LRP2: variants seen among roughly 807,000 people sequenced by gnomAD.
The protein encoded by LRP2 is low-density lipoprotein receptor-related protein 2.
Under a neutral mutation model 531.0 loss-of-function variants are expected in LRP2, and 172 were observed. The observed-to-expected ratio is 0.32, with a 90% CI of 0.29 to 0.37. The LOEUF is 0.37. Ranked by LOEUF, LRP2 falls within the 10% of genes least tolerant of loss-of-function variation. The pLI, the probability that LRP2 is intolerant of heterozygous loss-of-function variation, is 1.00. For synonymous variants in LRP2, 1,992 were observed against 2,027.6 expected (o/e 0.98, Z 0.47); for missense variants, 5,167 against 5,868.3 (o/e 0.88, Z 3.90).
chr2:169,338,796 C>T (rs1298588392), intron 1 of LRP2, among the ~76,000 whole-genome samples: 12 of 152,134 alleles, frequency 7.9e-5, no homozygotes, highest in East Asian at 1.9e-4. Flanking sequence ...GAAGAGCACG[C>T]GAAGACTGCT....
intron 1 of LRP2, among the ~76,000 whole-genome samples, chr2:169,349,869 C>T (rs1685798757): frequency 6.6e-6 from 1 of 152,210 alleles, no homozygotes; most frequent in South Asian, 2.1e-4. Context: ...ATACTCCAAG[C>T]TCCATCTCAG....
At chr2:169,199,507 A>C (rs1292402345) in intron 44 of LRP2, among the ~76,000 whole-genome samples, 1 of 152,232 alleles carries the variant, frequency 6.6e-6, no homozygotes, top group Non-Finnish European at 1.5e-5. Context: ...CAGAAAGGAG[A>C]GGAAGAAATG....
In LRP2 at chr2:169,281,448, C is replaced by T. The variant is rs140860409; in HGVS notation, c.1172-929G>A. On this transcript the variant is annotated intron_variant, in intron 10 of 78. Coordinates refer to ENST00000649046, the MANE Select transcript of LRP2 (RefSeq NM_004525.3). Reference sequence around the variant, plus strand: ...AAAAATAAATAAATAAGGCCGGATGCGGTGGTTCATGCCTGTAATCCCAGC... The same window carrying T: ...AAAAATAAATAAATAAGGCCGGATGTGGTGGTTCATGCCTGTAATCCCAGC... 7.2e-3 allele frequency among the ~76,000 whole-genome samples: 1,053 copies of T among 147,194 alleles called. 6 individuals are homozygous for T. The highest frequency in any genetic ancestry group is 0.037 in the Middle Eastern group (9 of 240).
In LRP2 at chr2:169,196,930, A is replaced by G; in HGVS notation, c.8679T>C (p.Ser2893=). Residue 2893 remains serine (S), a synonymous_variant, in exon 46 of 79, where the codon TCT becomes TCC. Transcript: ENST00000649046. ...CDQETDCFDA[S]DEPASCGHSE... ...TCTTACCACAAGAGGCAGGTTCATC[A>G]GAGGCATCAAAACAATCTGTTTCTT... 6.2e-7 allele frequency: 1 copy of G among 1,614,216 alleles called. No homozygotes were observed. Among genetic ancestry groups the G allele is most frequent in the Non-Finnish European group, 8.5e-7 (1 of 1,180,026 alleles).
chr2:169,227,397 A>C (rs1480430014), intron 31 of LRP2, among the ~76,000 whole-genome samples: 2 of 152,234 alleles, frequency 1.3e-5, no homozygotes, highest in Non-Finnish European at 2.9e-5. Flanking sequence ...ATCTTAAACT[A>C]TCAGTTCACT....
chr2:169,145,653 T>G, intron 70 of LRP2, 94 bp downstream of exon 70: 1 of 1,226,724 alleles, frequency 8.2e-7, no homozygotes, highest in Non-Finnish European at 1.2e-6. Flanking sequence ...ATTAGCTTGT[T>G]GTTATCTACT....
rs11463198 is a variant in LRP2 at position 169,290,264 on chromosome 2, C to CTTTT, written c.922+577_922+580dup. 8.4e-4 allele frequency among the ~76,000 whole-genome samples: 48 copies of CTTTT among 56,950 alleles called. 1 individual carries two copies. Among genetic ancestry groups the CTTTT allele is most frequent in the African/African-American group, 1.5e-3 (20 of 13,448 alleles). The allele number at this position is 56,950 out of a possible 152,430, so 37.4% of individuals were successfully genotyped here. On this transcript the variant is annotated intron_variant, in intron 8 of 78. Coordinates refer to ENST00000649046, the MANE Select transcript of LRP2 (RefSeq NM_004525.3). Reference sequence around the variant, plus strand: ...AGGTACATAACCCAGGAACCAGAAGCTTTTTTTTTTTTTTTTTTTTTTTTT... The same window carrying CTTTT: ...AGGTACATAACCCAGGAACCAGAAGCTTTTTTTTTTTTTTTTTTTTTTTTTTTTT...
intron 43 of LRP2, 96 bp downstream of exon 43, chr2:169,202,660 A>G: frequency 7.6e-7 from 1 of 1,308,430 alleles, no homozygotes; most frequent in Non-Finnish European, 1.1e-6. Context: ...CTAGGCACAC[A>G]TTTCAAACAC....
At chr2:169,313,982 G>A (rs755715832) in intron 3 of LRP2, among the ~76,000 whole-genome samples, 5 of 152,218 alleles carry the variant, frequency 3.3e-5, no homozygotes, top group Non-Finnish European at 5.9e-5. Context: ...GAGGCTCCCA[G>A]CCTACAGAGC....
intron 19 of LRP2, among the ~76,000 whole-genome samples, chr2:169,255,443 G>A (rs1690266013): frequency 6.6e-6 from 1 of 152,108 alleles, no homozygotes. Context: ...CACTGGCTGT[G>A]CTCATTGTGA....
In LRP2 at chr2:169,185,473, C is replaced by T. The variant is rs754945451; in HGVS notation, c.9845+30G>A. ...ATGGTTAGAATTTTTTAATTTTTAA[C>T]TTTTAAAAAGCTCATCAGTGTTTTC... On this transcript the variant is annotated intron_variant, in intron 50 of 78. Coordinates refer to ENST00000649046, the MANE Select transcript of LRP2 (RefSeq NM_004525.3). 82 of 1,608,514 alleles carry T rather than the reference C, an allele frequency of 5.1e-5. No individual in the cohort carries two copies. In the South Asian group the frequency reaches 8.7e-4, roughly 17 times the overall value.
intron 19 of LRP2, 76 bp downstream of exon 19, chr2:169,256,030 C>T: frequency 6.8e-7 from 1 of 1,479,558 alleles, no homozygotes; most frequent in Admixed American, 1.7e-5. Context: ...TGTGAAAATG[C>T]CACATGAGGA....
In LRP2 at chr2:169,146,727, C is replaced by T. The variant is rs112157558; in HGVS notation, c.12811+12G>A. 1,922 of 1,586,212 alleles carry T rather than the reference C, an allele frequency of 1.2e-3. 20 individuals are homozygous for T. In the African/African-American group the frequency reaches 0.023, roughly 19 times the overall value. On this transcript the variant is annotated intron_variant, in intron 69 of 78. Coordinates refer to ENST00000649046, the MANE Select transcript of LRP2 (RefSeq NM_004525.3). ...ATTAATTTAATATATTACTTTCTAA[C>T]TAATTTCTAACCTTCCTTTGCAATG...
At chr2:169,327,808 G>A (rs1465617629) in intron 1 of LRP2, among the ~76,000 whole-genome samples, 12 of 101,866 alleles carry the variant, frequency 1.2e-4, no homozygotes, top group Non-Finnish European at 1.7e-4. Context: ...GGTGAGGGGC[G>A]CCTCTGCCCG....
intron 62 of LRP2, among the ~76,000 whole-genome samples, chr2:169,163,261 T>C (rs2105371938): frequency 6.6e-6 from 1 of 152,210 alleles, no homozygotes; most frequent in Non-Finnish European, 1.5e-5. Context: ...ATGTTAGTAA[T>C]GTGCATTGAT....
chr2:169,307,444 A>T, intron 3 of LRP2, 47 bp from the exon 4 acceptor site: 1 of 1,083,516 alleles, frequency 9.2e-7, no homozygotes, highest in East Asian at 2.4e-5. Flanking sequence ...ATTGCTAGAC[A>T]CAGACTAATC....
At chr2:169,216,505 T>A in intron 34 of LRP2, 75 bp from the exon 35 acceptor site, 2 of 1,428,132 alleles carry the variant, frequency 1.4e-6, no homozygotes, top group East Asian at 4.6e-5. Context: ...TGACAATGTG[T>A]ATTACTTGTC....
intron 63 of LRP2, 146 bp downstream of exon 63, chr2:169,162,326 C>A: frequency 1.2e-6 from 1 of 868,302 alleles, no homozygotes; most frequent in South Asian, 1.4e-5. Flanking sequence ...AGCACTCAGT[C>A]ACAGCTAGCT....
chr2:169,142,919 G>GT, intron 70 of LRP2, 126 bp from the exon 71 acceptor site: 2 of 996,844 alleles, frequency 2.0e-6, no homozygotes, highest in South Asian at 2.6e-5. Context: ...TCTCGTCCAC[G>GT]TGTCAGCTGG....
Sources: gnomAD v4.1 joint callset for allele counts (sites outside exome capture counted in the v4.1 genomes callset) on GRCh38, gnomAD v4.1.1 for gene constraint, MANE v1.5 for transcripts, NCBI Gene and HGNC (gene_info 2026-07-23, HGNC 2026-07-21) for gene names.